KRT9: variants seen among roughly 807,000 people sequenced by gnomAD.
KRT9 encodes keratin, type I cytoskeletal 9.
A neutral mutation model predicts 51.4 loss-of-function variants in KRT9; 34 were observed. The ratio of observed to expected loss-of-function variants is 0.66; its 90% CI spans 0.50 to 0.88. The LOEUF (loss-of-function observed/expected upper bound fraction) is 0.88, where lower values mean the gene tolerates loss of function less well. KRT9 is among the 40% of genes least tolerant of loss of function. The pLI is 0.00. For synonymous variants in KRT9, 292 were observed against 289.7 expected (o/e 1.01, Z -0.08); for missense variants, 753 against 790.3 (o/e 0.95, Z 0.57).
In KRT9 at chr17:41,568,379, C is replaced by A; in HGVS notation, c.1177G>T (p.Ala393Ser). 2 of 1,614,156 alleles carry A rather than the reference C, an allele frequency of 1.2e-6. No homozygotes were observed. The highest frequency in any genetic ancestry group is 8.5e-7 in the Non-Finnish European group (1 of 1,180,032). The change falls in exon 6 of 8, where the codon GCT becomes TCT. Residue 393 changes from alanine (A) to serine (S), a missense_variant. Around this residue, in one of 3 missense-constraint regions of KRT9, gnomAD observed 507 missense variants for 563.7 expected, o/e 0.90. Transcript: ENST00000246662. ...ELQSQLSKKA[A>S]LEKSLEDTKN... is the part of the protein sequence containing the mutation. ...GTGTCTTCCAAGCTCTTCTCCAGAG[C>A]TGCTTTCTAAGGGTTAGGAGAAGGC...
intron 7 of KRT9, among the ~76,000 whole-genome samples, chr17:41,567,023 A>G (rs906264570): frequency 6.6e-6 from 1 of 152,184 alleles, no homozygotes; most frequent in Non-Finnish European, 1.5e-5. Flanking sequence ...AGACTCAGCC[A>G]TGTGTAGATT....
intron 3 of KRT9, 33 bp downstream of exon 3, chr17:41,569,826 C>A: frequency 6.2e-7 from 1 of 1,613,622 alleles, no homozygotes. Context: ...GCTCCTCCCT[C>A]TTCCCGGTAA....
chr17:41,570,269 G>A (rs978553359), intron 1 of KRT9, 49 bp from the exon 2 acceptor site: 1 of 1,495,640 alleles, frequency 6.7e-7, no homozygotes. Context: ...GACCACTGCT[G>A]AGAGGGCAAG....
chr17:41,568,216 A>G lies in KRT9; in HGVS notation c.1340T>C (p.Leu447Pro). The G allele has an allele frequency of 6.2e-7, 1 of 1,614,050 alleles. No homozygotes were observed. The highest frequency in any genetic ancestry group is 8.5e-7 in the Non-Finnish European group (1 of 1,180,006). Reference sequence around the variant, plus strand: ...GTGGTAGGTCTCGATTTCCTTCTCCAGCCGCATCTTAATGCTGAGCAGAAG... The same window carrying G: ...GTGGTAGGTCTCGATTTCCTTCTCCGGCCGCATCTTAATGCTGAGCAGAAG... ...YSLLLSIKMR[L>P]EKEIETYHNL... Residue 447 changes from leucine to proline, a missense_variant, in exon 6 of 8, where the codon CTG becomes CCG. This residue lies in a region of KRT9 where 507 missense variants were observed against 563.7 expected (regional missense o/e 0.90). Coordinates refer to ENST00000246662, the MANE Select transcript of KRT9 (RefSeq NM_000226.4).
intron 4 of KRT9, among the ~76,000 whole-genome samples, chr17:41,569,043 C>T (rs992678728): frequency 2.0e-5 from 3 of 152,036 alleles, no homozygotes; most frequent in African/African-American, 7.3e-5. Context: ...GAGCTCAGTA[C>T]AGTATGGGAG....
At position 41,571,826 on chromosome 17, in the gene KRT9, C is replaced by A; in HGVS notation, c.167G>T (p.Gly56Val). 3 of 1,612,730 alleles carry A rather than the reference C, an allele frequency of 1.9e-6. No individual in the cohort carries two copies. The highest frequency in any genetic ancestry group is 2.5e-6 in the Non-Finnish European group (3 of 1,179,172). ...TCCCCTCCCACAGACACGAGAGCTTCCCCCACCATAGCCACTAGAAGAGCT... is the reference window on the plus strand; with the variant it reads ...TCCCCTCCCACAGACACGAGAGCTTACCCCACCATAGCCACTAGAAGAGCT... ...RFSSSSGYGG[G>V]SSRVCGRGGG... is the part of the protein sequence containing the mutation. The change falls in exon 1 of 8, where the codon GGA becomes GTA. Residue 56 changes from glycine (G) to valine (V), a missense_variant. By Grantham distance (109) the Gly-to-Val change is moderately radical. Coordinates refer to ENST00000246662, the MANE Select transcript of KRT9 (RefSeq NM_000226.4).
At chr17:41,567,799 C>T in intron 6 of KRT9, 49 bp from the exon 7 acceptor site, 2 of 1,611,688 alleles carry the variant, frequency 1.2e-6, no homozygotes, top group Non-Finnish European at 1.7e-6. Flanking sequence ...CCCCCATACA[C>T]ATATATGAGG....
chr17:41,567,385 C>T lies in KRT9; in HGVS notation c.1760G>A (p.Gly587Asp). The T allele has an allele frequency of 6.2e-7, 1 of 1,602,672 alleles. No individual in the cohort carries two copies. The highest frequency in any genetic ancestry group is 1.1e-5 in the South Asian group (1 of 90,082). The change falls in exon 7 of 8, where the codon GGT (glycine) becomes GAT (aspartate). Residue 587 changes from glycine (G) to aspartate (D), a missense_variant. This residue lies in a region of KRT9 where 507 missense variants were observed against 563.7 expected (regional missense o/e 0.90). Coordinates refer to ENST00000246662, the MANE Select transcript of KRT9 (RefSeq NM_000226.4). ...TTCACCTCCAAAACCACTTCCTCCA[C>T]CATGGCTGCCTCCACTTCCTCCCCT... ...GSRGGSGGSH[G>D]GGSGFGGESG...
At position 41,572,022 on chromosome 17, in the gene KRT9, G is replaced by T; in HGVS notation, c.-30C>A. 2 of 1,553,876 alleles carry T rather than the reference G, an allele frequency of 1.3e-6. No individual in the cohort carries two copies. The highest frequency in any genetic ancestry group is 1.7e-6 in the Non-Finnish European group (2 of 1,154,234). On this transcript the variant is annotated 5_prime_UTR_variant, in exon 1 of 8. Transcript: ENST00000246662. ...CAGCTGGTAGCTCACGGGTTGAGAA[G>T]CAGTGATAGGAGTGCTACCGGCTCC... is the stretch of plus-strand genomic sequence containing the variant.
At chr17:41,567,873 G>C (rs1240090336) in intron 6 of KRT9, 123 bp from the exon 7 acceptor site, 28 of 1,549,712 alleles carry the variant, frequency 1.8e-5, no homozygotes, top group Non-Finnish European at 2.3e-5. Context: ...GGGAGGCAGA[G>C]GACAGAGTCT....
chr17:41,569,370 T>A, intron 4 of KRT9, 56 bp downstream of exon 4: 1 of 1,538,240 alleles, frequency 6.5e-7, no homozygotes. Context: ...GTGGGAGGGA[T>A]GGAGATAGGA....
rs781603266 is a variant in KRT9, at chr17:41,568,281, G to T, written c.1275C>A (p.Asp425Glu). The T allele has an allele frequency of 1.2e-6, 2 of 1,614,038 alleles. No homozygotes were observed. Among genetic ancestry groups the T allele is most frequent in the Non-Finnish European group, 8.5e-7 (1 of 1,180,032 alleles). ...QISNLEAQITDVRQEIECQNQ... is the reference protein window; with the variant it reads ...QISNLEAQITEVRQEIECQNQ... ...TCTGGCACTCGATCTCTTGCCGGAC[G>T]TCAGTGATCTGGGCCTCCAAGTTAC... Residue 425 changes from aspartate (D) to glutamate (E), a missense_variant, in exon 6 of 8, where the codon GAC becomes GAA. Asp to Glu is a conservative substitution (Grantham distance 45). Coordinates refer to ENST00000246662, the MANE Select transcript of KRT9 (RefSeq NM_000226.4).
chr17:41,567,808 G>C, intron 6 of KRT9, 58 bp from the exon 7 acceptor site: 1 of 1,609,934 alleles, frequency 6.2e-7, no homozygotes, highest in Non-Finnish European at 8.5e-7. Context: ...ACATATATGA[G>C]GATGGACCTG....
chr17:41,567,410 T>G lies in KRT9; in HGVS notation c.1735A>C (p.Arg579=), dbSNP rs2144567279. 3.2e-6 allele frequency: 5 copies of G among 1,578,514 alleles called. No individual in the cohort carries two copies. The highest frequency in any genetic ancestry group is 4.3e-6 in the Non-Finnish European group (5 of 1,161,150). Residue 579 remains arginine (R), a synonymous_variant, in exon 7 of 8, where the codon AGG becomes CGG. Transcript: ENST00000246662. ...GGGYGGGSGS[R]GGSGGSHGGG... is the part of the protein sequence containing the mutation. Reference sequence around the variant, plus strand: ...CCATGGCTGCCTCCACTTCCTCCCCTGGACCCACTTCCTCCACCATAGCCA... The same window carrying G: ...CCATGGCTGCCTCCACTTCCTCCCCGGGACCCACTTCCTCCACCATAGCCA...
At position 41,568,552 on chromosome 17, in the gene KRT9, C is replaced by G. The variant is rs200211641; in HGVS notation, c.1126G>C (p.Gly376Arg). The G allele has an allele frequency of 6.2e-7, 1 of 1,614,186 alleles. No homozygotes were observed. Among genetic ancestry groups the G allele is most frequent in the Non-Finnish European group, 8.5e-7 (1 of 1,180,022 alleles). ...SAKEVTQLRHGVQELEIELQS... is the reference protein window; with the variant it reads ...SAKEVTQLRHRVQELEIELQS... The stretch of plus-strand genomic sequence containing the variant: ...AGCTCAATCTCCAACTCCTGGACAC[C>G]GTGCCGGAGCTGGGTCACCTCCTTG... Residue 376 changes from glycine (G) to arginine (R), a missense_variant, in exon 5 of 8, where the codon GGT becomes CGT. This residue lies in a region of KRT9 where 507 missense variants were observed against 563.7 expected (regional missense o/e 0.90). Transcript: ENST00000246662.
Position 41,567,228 on chromosome 17 carries a change from C to A in KRT9, c.*40+5G>T. 2 of 1,613,910 alleles carry A rather than the reference C, an allele frequency of 1.2e-6. No individual in the cohort carries two copies. Among genetic ancestry groups the A allele is most frequent in the Non-Finnish European group, 8.5e-7 (1 of 1,180,004 alleles). ...TCCACCCCACAACCTAGGATTGTCCCTTACCTTTTGTCTCATCTTGGTCAC... is the reference window on the plus strand; with the variant it reads ...TCCACCCCACAACCTAGGATTGTCCATTACCTTTTGTCTCATCTTGGTCAC... On this transcript the variant is annotated splice_donor_5th_base_variant and intron_variant, in intron 7 of 7. Coordinates refer to ENST00000246662, the MANE Select transcript of KRT9 (RefSeq NM_000226.4).
At position 41,568,323 on chromosome 17, in the gene KRT9, CA is replaced by C; in HGVS notation, c.1232del (p.Met411ArgfsTer?). 6.2e-7 allele frequency: 1 copy of C among 1,614,200 alleles called. No individual in the cohort carries two copies. Among genetic ancestry groups the C allele is most frequent in the South Asian group, 1.1e-5 (1 of 91,080 alleles). On this transcript the variant is annotated frameshift_variant, in exon 6 of 8. Transcript: ENST00000246662. LOFTEE classifies it high-confidence loss of function. ...TKNRYCGQLQ[M>X]IQEQISNLEA... Reference sequence around the variant, plus strand: ...CCAAGTTACTGATCTGCTCCTGGATCATCTGCAGCTGGCCACAGTAGCGGTT... The same window carrying C: ...CCAAGTTACTGATCTGCTCCTGGATCTCTGCAGCTGGCCACAGTAGCGGTT...
At position 41,567,516 on chromosome 17, in the gene KRT9, G is replaced by A. The variant is rs114825433; in HGVS notation, c.1629C>T (p.Ser543=). ...CACTATGACCACCTCCACTTCCTCC[G>A]CTATGGCCACCTCCACTTCCTCCAC... is the stretch of plus-strand genomic sequence containing the variant. ...GYGGGSGGGH[S]GGSGGGHSGG... is the part of the protein sequence containing the mutation. The change falls in exon 7 of 8, where the codon AGC becomes AGT. Residue 543 remains serine (S), a synonymous_variant. Coordinates refer to ENST00000246662, the MANE Select transcript of KRT9 (RefSeq NM_000226.4). 4.7e-5 allele frequency: 72 copies of A among 1,538,686 alleles called. No individual in the cohort carries two copies. The highest frequency in any genetic ancestry group is 1.5e-4 in the East Asian group (6 of 40,586).
At chr17:41,569,829 C>A in intron 3 of KRT9, 30 bp downstream of exon 3, 1 of 1,613,742 alleles carries the variant, frequency 6.2e-7, no homozygotes, top group Non-Finnish European at 8.5e-7. Flanking sequence ...CCTCCCTCTT[C>A]CCGGTAAGCC....
Sources: gnomAD v4.1 joint callset for allele counts (sites outside exome capture counted in the v4.1 genomes callset) on GRCh38, gnomAD v4.1.1 for gene constraint, gnomAD v4.1.1 regional missense constraint, MANE v1.5 for transcripts, NCBI Gene and HGNC (gene_info 2026-07-23, HGNC 2026-07-21) for gene names.